PCDHA5: variants seen among roughly 807,000 people sequenced by gnomAD.
The protein encoded by PCDHA5 is protocadherin alpha-5.
PCDHA5 carries 43 observed loss-of-function variants against 61.6 expected under a neutral mutation model. The observed-to-expected ratio is 0.70, with a 90% CI of 0.55 to 0.90. The LOEUF (loss-of-function observed/expected upper bound fraction) is 0.90. Ranked by LOEUF, PCDHA5 falls within the 40% of genes least tolerant of loss-of-function variation. The pLI is 0.00. For missense variants in PCDHA5, 1,298 were observed against 1,222.7 expected, an observed-to-expected ratio of 1.06 and a Z score of -0.92; for synonymous variants, 627 against 543.9, an observed-to-expected ratio of 1.15 and a Z score of -2.13.
At chr5:140,965,037 C>T (rs1260839947) in intron 1 of PCDHA5, among the ~76,000 whole-genome samples, 1 of 152,142 alleles carries the variant, frequency 6.6e-6, no homozygotes, top group African/African-American at 2.4e-5. Context: ...TAACTGTCCG[C>T]TCTAGGAGGG....
At chr5:140,825,158 G>A (rs1302823114) in intron 1 of PCDHA5, 2 of 151,148 alleles carry the variant, frequency 1.3e-5, no homozygotes, top group East Asian at 3.9e-4. Flanking sequence ...TTTTAATCTT[G>A]CTTTTTTCAT....
At chr5:140,876,473 G>C in intron 1 of PCDHA5, 7 of 1,614,038 alleles carry the variant, frequency 4.3e-6, no homozygotes, top group African/African-American at 2.7e-5. Flanking sequence ...GCAGGTCACA[G>C]CATGGTCCTG....
chr5:140,990,649 T>A (rs1465284882), intron 3 of PCDHA5, among the ~76,000 whole-genome samples: 1 of 152,330 alleles, frequency 6.6e-6, no homozygotes, highest in South Asian at 2.1e-4. Context: ...TCAGCCAGTA[T>A]GAATGATTTA....
chr5:140,829,709 G>T (rs1362946626), intron 1 of PCDHA5: 3 of 1,613,434 alleles, frequency 1.9e-6, no homozygotes, highest in Non-Finnish European at 1.7e-6. Context: ...CGCGCGCGAC[G>T]CGGGCGTGCC....
At chr5:140,918,977 AG>A (rs1226723076) in intron 1 of PCDHA5, among the ~76,000 whole-genome samples, 6 of 152,192 alleles carry the variant, frequency 3.9e-5, no homozygotes, top group African/African-American at 1.4e-4. Context: ...CGTTTAGGTT[AG>A]TTGGTTTTTA....
chr5:140,870,537 G>C (rs575452776), intron 1 of PCDHA5: 1 of 1,614,172 alleles, frequency 6.2e-7, no homozygotes, highest in Non-Finnish European at 8.5e-7. Context: ...CAGTGTCGGC[G>C]CGGGACGCGG....
In PCDHA5 at chr5:140,862,417, T is replaced by G. The variant is rs77196804; in HGVS notation, c.2352+38290T>G. ...GCTGGTGTCTACCTTCAAAAGGCGCTGCCCAGAAACTATTCGTTGGTACTC... is the reference window on the plus strand; with the variant it reads ...GCTGGTGTCTACCTTCAAAAGGCGCGGCCCAGAAACTATTCGTTGGTACTC... On this transcript the variant is annotated intron_variant, in intron 1 of 3. Coordinates refer to ENST00000529859, the MANE Select transcript of PCDHA5 (RefSeq NM_018908.3). 1.4e-3 allele frequency: 485 copies of G among 351,378 alleles called. 3 individuals are homozygous for G. Among genetic ancestry groups the G allele is most frequent in the African/African-American group, 9.6e-3 (451 of 46,736 alleles). 21.8% of individuals were successfully genotyped at this position (351,378 alleles called of 1,614,324 possible).
At chr5:140,951,746 C>A (rs2094627797) in intron 1 of PCDHA5, among the ~76,000 whole-genome samples, 1 of 152,128 alleles carries the variant, frequency 6.6e-6, no homozygotes, top group African/African-American at 2.4e-5. Flanking sequence ...ACTGCCCTCA[C>A]CCTCCGCGAA....
At chr5:140,825,177 G>T (rs1289982314) in intron 1 of PCDHA5, 2 of 151,306 alleles carry the variant, frequency 1.3e-5, no homozygotes, top group Non-Finnish European at 1.5e-5. Context: ...ATTTACTAAT[G>T]TATCTTGATG....
At chr5:140,967,954 C>T in intron 1 of PCDHA5, 1 of 1,614,208 alleles carries the variant, frequency 6.2e-7, no homozygotes, top group Non-Finnish European at 8.5e-7. Flanking sequence ...ACTCAGGCCC[C>T]AACCGGAAAG....
intron 1 of PCDHA5, among the ~76,000 whole-genome samples, chr5:140,957,575 T>C (rs1437290620): frequency 6.6e-6 from 1 of 152,152 alleles, no homozygotes; most frequent in African/African-American, 2.4e-5. Flanking sequence ...ACTACTGTAC[T>C]TTTAACAAAG....
intron 1 of PCDHA5, among the ~76,000 whole-genome samples, chr5:140,936,910 G>A (rs1221304306): frequency 6.6e-6 from 1 of 152,062 alleles, no homozygotes; most frequent in African/African-American, 2.4e-5. Context: ...TATTGAATCT[G>A]TAGAAAATAT....
intron 1 of PCDHA5, among the ~76,000 whole-genome samples, chr5:140,954,817 T>G (rs1461497595): frequency 1.3e-5 from 2 of 152,224 alleles, no homozygotes; most frequent in Non-Finnish European, 2.9e-5. Flanking sequence ...TGAAATTGCT[T>G]TAGGCACTTT....
At chr5:140,965,848 C>T (rs2095941298) in intron 1 of PCDHA5, among the ~76,000 whole-genome samples, 1 of 152,178 alleles carries the variant, frequency 6.6e-6, no homozygotes, top group Non-Finnish European at 1.5e-5. Context: ...TTTGCCAAGG[C>T]ACACACTGAA....
At chr5:140,858,195 A>G in intron 1 of PCDHA5, 1 of 1,597,156 alleles carries the variant, frequency 6.3e-7, no homozygotes, top group East Asian at 2.2e-5. Flanking sequence ...CTGCTGCTGT[A>G]CACTGCACTG....
chr5:140,917,797 C>T (rs1174581148), intron 1 of PCDHA5, among the ~76,000 whole-genome samples: 2 of 151,940 alleles, frequency 1.3e-5, no homozygotes, highest in African/African-American at 4.8e-5. Flanking sequence ...GTTACTGTAG[C>T]CTTGCAGTAT....
At chr5:140,979,710 A>G (rs1178718053) in intron 2 of PCDHA5, among the ~76,000 whole-genome samples, 1 of 152,268 alleles carries the variant, frequency 6.6e-6, no homozygotes, top group Non-Finnish European at 1.5e-5. Flanking sequence ...GAGGTGATCC[A>G]GTATCCATGC....
chr5:140,847,032 A>C (rs1780821706), intron 1 of PCDHA5, among the ~76,000 whole-genome samples: 1 of 149,836 alleles, frequency 6.7e-6, no homozygotes. Context: ...GAAAGAGAAA[A>C]CATAAGGAAA....
At chr5:140,871,314 G>T in intron 1 of PCDHA5, 2 of 1,614,048 alleles carry the variant, frequency 1.2e-6, no homozygotes, top group Non-Finnish European at 1.7e-6. Flanking sequence ...GGAAGCCCAC[G>T]CTGGTGTGCT....
Sources: gnomAD v4.1 joint callset for allele counts (sites outside exome capture counted in the v4.1 genomes callset) on GRCh38, gnomAD v4.1.1 for gene constraint, MANE v1.5 for transcripts, NCBI Gene and HGNC (gene_info 2026-07-23, HGNC 2026-07-21) for gene names.